CNTNAP4: variants seen among roughly 807,000 people sequenced by gnomAD.
CNTNAP4 encodes contactin-associated protein-like 4.
In CNTNAP4, 98 loss-of-function variants were observed where a neutral mutation model predicts 148.4. The observed-to-expected ratio is 0.66, with a 90% CI of 0.56 to 0.78. The LOEUF (loss-of-function observed/expected upper bound fraction) is 0.78. CNTNAP4 is among the 30% of genes least tolerant of loss of function. The pLI, the probability that CNTNAP4 is intolerant of heterozygous loss-of-function variation, is 0.00. For synonymous variants in CNTNAP4, 730 were observed against 565.1 expected (o/e 1.29, Z -4.14); for missense variants, 1,935 against 1,565.6 (o/e 1.24, Z -3.98).
intron 17 of CNTNAP4, among the ~76,000 whole-genome samples, chr16:76,533,220 G>A (rs760587166): frequency 1.3e-5 from 2 of 152,122 alleles, no homozygotes; most frequent in Non-Finnish European, 2.9e-5. Context: ...ATTATGTTTA[G>A]TGAAATAAAC....
At chr16:76,381,013 T>A (rs553694700) in intron 3 of CNTNAP4, among the ~76,000 whole-genome samples, 2 of 152,238 alleles carry the variant, frequency 1.3e-5, no homozygotes, top group African/African-American at 2.4e-5. Flanking sequence ...CTCTGCACTT[T>A]CCCAAGTTTT....
At chr16:76,400,878 G>C (rs369533840) in intron 3 of CNTNAP4, among the ~76,000 whole-genome samples, 1 of 152,024 alleles carries the variant, frequency 6.6e-6, no homozygotes, top group African/African-American at 2.4e-5. Context: ...TGGGTACTCT[G>C]TTCTGTTCCA....
At chr16:76,434,495 C>CT (rs2079740180) in intron 4 of CNTNAP4, among the ~76,000 whole-genome samples, 1 of 152,160 alleles carries the variant, frequency 6.6e-6, no homozygotes, top group South Asian at 2.1e-4. Flanking sequence ...GCAATCACCA[C>CT]TTGATTAAGC....
intron 3 of CNTNAP4, among the ~76,000 whole-genome samples, chr16:76,391,754 A>G (rs952572521): frequency 3.3e-5 from 5 of 152,146 alleles, no homozygotes; most frequent in African/African-American, 7.2e-5. Context: ...TTGCTACTCA[A>G]TGTGTGGTTC....
intron 3 of CNTNAP4, among the ~76,000 whole-genome samples, chr16:76,394,641 A>G (rs2078135624): frequency 6.6e-6 from 1 of 152,222 alleles, no homozygotes; most frequent in African/African-American, 2.4e-5. Flanking sequence ...ACTTATTTAA[A>G]CATAAATTAC....
intron 1 of CNTNAP4, among the ~76,000 whole-genome samples, chr16:76,300,453 A>G: frequency 6.6e-6 from 1 of 152,006 alleles, no homozygotes; most frequent in East Asian, 1.9e-4. Context: ...AATGTAGATG[A>G]TGGGTTGATA....
intron 3 of CNTNAP4, among the ~76,000 whole-genome samples, chr16:76,398,612 A>G (rs1254559597): frequency 6.6e-6 from 1 of 152,136 alleles, no homozygotes; most frequent in Non-Finnish European, 1.5e-5. Context: ...ACAAATACTA[A>G]AAATTTTACT....
chr16:76,412,842 G>A (rs181285169), intron 3 of CNTNAP4, among the ~76,000 whole-genome samples: 7 of 151,324 alleles, frequency 4.6e-5, no homozygotes, highest in Admixed American at 2.6e-4. Flanking sequence ...TAAGAAAATC[G>A]TTGAACTCCT....
At chr16:76,454,756 C>A (rs1207455496) in intron 8 of CNTNAP4, among the ~76,000 whole-genome samples, 2 of 152,124 alleles carry the variant, frequency 1.3e-5, no homozygotes, top group Admixed American at 1.3e-4. Flanking sequence ...GATAATTAAA[C>A]CAGTTGTCAG....
At chr16:76,371,251 T>C (rs776880654) in intron 3 of CNTNAP4, among the ~76,000 whole-genome samples, 2 of 152,166 alleles carry the variant, frequency 1.3e-5, no homozygotes, top group Non-Finnish European at 2.9e-5. Flanking sequence ...CCAGGGTATA[T>C]ATGTACCTTA....
At chr16:76,483,041 T>A (rs901194365) in intron 12 of CNTNAP4, among the ~76,000 whole-genome samples, 1 of 122,946 alleles carries the variant, frequency 8.1e-6, no homozygotes, top group Non-Finnish European at 1.8e-5. Flanking sequence ...TGTTTTATTA[T>A]TTTTTTTCCA....
chr16:76,543,050 T>A (rs990454669), intron 21 of CNTNAP4, among the ~76,000 whole-genome samples: 26 of 152,212 alleles, frequency 1.7e-4, no homozygotes, highest in African/African-American at 6.0e-4. Flanking sequence ...GGGAGATTCC[T>A]ATAGAATTAA....
chr16:76,423,260 G>C (rs1381728560), intron 3 of CNTNAP4, among the ~76,000 whole-genome samples: 1 of 151,982 alleles, frequency 6.6e-6, no homozygotes, highest in African/African-American at 2.4e-5. Flanking sequence ...ATAATATAGG[G>C]AACATAAAAG....
chr16:76,426,950 C>G (rs1276997121), intron 3 of CNTNAP4, among the ~76,000 whole-genome samples: 2 of 152,168 alleles, frequency 1.3e-5, no homozygotes, highest in Admixed American at 1.3e-4. Context: ...GTAGCTCCAA[C>G]TTGAATGTTG....
At chr16:76,455,493 C>T (rs1182761852) in intron 8 of CNTNAP4, among the ~76,000 whole-genome samples, 1 of 152,216 alleles carries the variant, frequency 6.6e-6, no homozygotes, top group Non-Finnish European at 1.5e-5. Context: ...AATCCACCTT[C>T]CTCCCTTTCA....
At chr16:76,502,406 A>T (rs1597756333) in intron 15 of CNTNAP4, among the ~76,000 whole-genome samples, 1 of 148,058 alleles carries the variant, frequency 6.8e-6, no homozygotes. Context: ...AGTGAGGCTC[A>T]CTGGACAGAT....
chr16:76,438,629 C>T (rs1411884598), intron 4 of CNTNAP4, among the ~76,000 whole-genome samples: 1 of 152,008 alleles, frequency 6.6e-6, no homozygotes, highest in Non-Finnish European at 1.5e-5. Context: ...CAGTAATTCA[C>T]CTCCCTGTGG....
chr16:76,408,118 C>G (rs906274591), intron 3 of CNTNAP4, among the ~76,000 whole-genome samples: 9 of 151,886 alleles, frequency 5.9e-5, no homozygotes, highest in African/African-American at 1.9e-4. Context: ...AGGCATATAG[C>G]TATTATACAC....
intron 21 of CNTNAP4, among the ~76,000 whole-genome samples, chr16:76,547,522 A>T (rs2084787885): frequency 6.6e-6 from 1 of 152,218 alleles, no homozygotes; most frequent in African/African-American, 2.4e-5. Flanking sequence ...TAGCAGTAAA[A>T]ACCAGGTTGC....
Sources: gnomAD v4.1 joint callset for allele counts (sites outside exome capture counted in the v4.1 genomes callset) on GRCh38, gnomAD v4.1.1 for gene constraint, MANE v1.5 for transcripts, NCBI Gene and HGNC (gene_info 2026-07-23, HGNC 2026-07-21) for gene names.